The following PTPN4 variants were observed in gnomAD, a reference collection of about 807,000 sequenced individuals.
The protein encoded by PTPN4 is protein tyrosine phosphatase non-receptor type 4, also known as tyrosine-protein phosphatase non-receptor type 4.
A neutral mutation model predicts 135.5 loss-of-function variants in PTPN4; 49 were observed. The ratio of observed to expected loss-of-function variants is 0.36; its 90% CI spans 0.29 to 0.46. The LOEUF (loss-of-function observed/expected upper bound fraction) is 0.46. Ranked by LOEUF, PTPN4 falls within the 20% of genes least tolerant of loss-of-function variation. PTPN4 has a pLI of 1.00. For synonymous variants in PTPN4, 333 were observed against 369.9 expected (o/e 0.90, Z 1.14); for missense variants, 860 against 1,101.0 (o/e 0.78, Z 3.10).
chr2:119,953,827 C>T (rs1052836748), intron 19 of PTPN4, among the ~76,000 whole-genome samples: 14 of 152,056 alleles, frequency 9.2e-5, no homozygotes, highest in East Asian at 5.8e-4. Context: ...AGATTCATGA[C>T]GCCACAGAGC....
chr2:119,900,780 CAG>C lies in PTPN4; in HGVS notation c.739_740del (p.Arg247GlyfsTer17). 1.3e-6 allele frequency: 2 copies of C among 1,583,344 alleles called. No individual in the cohort carries two copies. The highest frequency in any genetic ancestry group is 1.7e-6 in the Non-Finnish European group (2 of 1,161,962). ...CAGGAGGAATTCTGATTTATAAGAA[CAG>C]GGTACGAATGAATACCTTTCCATGG... The part of the protein sequence containing the change: ...MSGGILIYKN[R>X]VRMNTFPWLK... On this transcript the variant is annotated frameshift_variant, in exon 10 of 27. Transcript: ENST00000263708. LOFTEE classifies it high-confidence loss of function.
chr2:119,819,644 T>C (rs1677036284), intron 2 of PTPN4, among the ~76,000 whole-genome samples: 1 of 152,222 alleles, frequency 6.6e-6, no homozygotes, highest in Non-Finnish European at 1.5e-5. Context: ...GAAGATTTCA[T>C]CTGCAACATT....
At chr2:119,915,445 A>C (rs1215614553) in intron 11 of PTPN4, 2 of 340,590 alleles carry the variant, frequency 5.9e-6, no homozygotes, top group African/African-American at 2.1e-5. Context: ...AAGTTCTTCT[A>C]GATATTCCTC....
chr2:119,922,234 A>G (rs1678747710), intron 12 of PTPN4, among the ~76,000 whole-genome samples: 1 of 149,856 alleles, frequency 6.7e-6, no homozygotes, highest in Non-Finnish European at 1.5e-5. Context: ...AAAAAAAAAA[A>G]AAAAAAGATC....
intron 2 of PTPN4, among the ~76,000 whole-genome samples, chr2:119,838,026 C>G (rs1272987317): frequency 6.6e-6 from 1 of 152,242 alleles, no homozygotes; most frequent in Non-Finnish European, 1.5e-5. Context: ...GCCAAGCTTC[C>G]TTCCAGTAGG....
At chr2:119,764,230 A>C (rs1481641725) in intron 1 of PTPN4, among the ~76,000 whole-genome samples, 1 of 152,164 alleles carries the variant, frequency 6.6e-6, no homozygotes, top group East Asian at 1.9e-4. Flanking sequence ...ACATTGTGTA[A>C]CTCAAGGCAG....
intron 2 of PTPN4, among the ~76,000 whole-genome samples, chr2:119,836,085 A>G (rs1273299706): frequency 1.3e-5 from 2 of 151,896 alleles, no homozygotes; most frequent in African/African-American, 4.8e-5. Context: ...AAAAAAAAGA[A>G]AGAAATATGA....
chr2:119,783,509 C>G (rs984585292), intron 1 of PTPN4, among the ~76,000 whole-genome samples: 23 of 152,132 alleles, frequency 1.5e-4, no homozygotes, highest in Admixed American at 3.3e-4. Flanking sequence ...AGTAATGTGT[C>G]TTTTTCAGTG....
intron 5 of PTPN4, among the ~76,000 whole-genome samples, 194 bp from the exon 6 acceptor site, chr2:119,881,592 T>C (rs576515781): frequency 4.7e-4 from 72 of 152,326 alleles, no homozygotes; most frequent in African/African-American, 1.7e-3. Flanking sequence ...ATTTCATACA[T>C]CAAAGAGTTT....
intron 16 of PTPN4, among the ~76,000 whole-genome samples, chr2:119,946,122 G>C (rs753146341): frequency 9.2e-5 from 14 of 152,060 alleles, no homozygotes; most frequent in Non-Finnish European, 1.8e-4. Context: ...TAATAGTCTA[G>C]CATATGCTCG....
chr2:119,949,710 G>A (rs759641274), intron 18 of PTPN4, among the ~76,000 whole-genome samples: 35 of 152,070 alleles, frequency 2.3e-4, no homozygotes, highest in Admixed American at 9.2e-4. Context: ...AGATATGGTG[G>A]CACACGCCTG....
At chr2:119,917,753 A>G (rs961048938) in intron 11 of PTPN4, among the ~76,000 whole-genome samples, 2 of 152,076 alleles carry the variant, frequency 1.3e-5, no homozygotes, top group Admixed American at 6.5e-5. Flanking sequence ...AAAAAAGGAA[A>G]AAAAAGACAG....
At chr2:119,782,856 C>T (rs1414827120) in intron 1 of PTPN4, among the ~76,000 whole-genome samples, 1 of 144,714 alleles carries the variant, frequency 6.9e-6, no homozygotes, top group Non-Finnish European at 1.5e-5. Flanking sequence ...CAGGCATGTA[C>T]CACTACTCCC....
At chr2:119,976,401 T>A (rs1047041416) in intron 26 of PTPN4, among the ~76,000 whole-genome samples, 1 of 152,166 alleles carries the variant, frequency 6.6e-6, no homozygotes, top group Non-Finnish European at 1.5e-5. Flanking sequence ...AAAGGTAATA[T>A]AATATATTAT....
chr2:119,946,685 C>A, intron 18 of PTPN4, 111 bp downstream of exon 18: 1 of 903,702 alleles, frequency 1.1e-6, no homozygotes, highest in Non-Finnish European at 1.7e-6. Context: ...TTTTATTTAT[C>A]AAGTGTCAAA....
chr2:119,912,844 C>A (rs909969447), intron 10 of PTPN4, among the ~76,000 whole-genome samples: 3 of 152,046 alleles, frequency 2.0e-5, no homozygotes, highest in South Asian at 2.1e-4. Context: ...TAAAAGATAA[C>A]CTTGTAATTA....
intron 1 of PTPN4, among the ~76,000 whole-genome samples, chr2:119,797,478 C>G (rs1691282482): frequency 6.6e-6 from 1 of 152,076 alleles, no homozygotes; most frequent in African/African-American, 2.4e-5. Flanking sequence ...TTGTTTTGTT[C>G]CTGATATTAG....
intron 9 of PTPN4, among the ~76,000 whole-genome samples, chr2:119,889,346 G>A (rs1678207273): frequency 6.6e-6 from 1 of 152,184 alleles, no homozygotes; most frequent in Admixed American, 6.5e-5. Context: ...TGTGAACCCT[G>A]GAGGCGGAGC....
At chr2:119,837,051 A>C (rs769673700) in intron 2 of PTPN4, among the ~76,000 whole-genome samples, 1 of 152,212 alleles carries the variant, frequency 6.6e-6, no homozygotes, top group Non-Finnish European at 1.5e-5. Context: ...CCTTCAAGCC[A>C]GGGATGACCA....
Sources: allele counts gnomAD v4.1 joint callset (sites outside exome capture counted in the v4.1 genomes callset), GRCh38; gene constraint gnomAD v4.1.1; transcripts MANE v1.5; gene names NCBI Gene and HGNC (gene_info 2026-07-23, HGNC 2026-07-21).